The following DCC variants were observed in gnomAD, a reference collection of about 807,000 sequenced individuals.
The protein encoded by DCC is DCC netrin 1 receptor.
In DCC, 58 loss-of-function variants were observed where a neutral mutation model predicts 172.5. The observed-to-expected ratio is 0.34, with a 90% CI of 0.27 to 0.42. The LOEUF is 0.42. DCC is among the 10% of genes least tolerant of loss of function. The pLI, the probability that DCC is intolerant of heterozygous loss-of-function variation, is 1.00. For missense variants in DCC, 1,740 were observed against 1,791.0 expected (o/e 0.97, Z 0.51); for synonymous variants, 709 against 644.5 (o/e 1.10, Z -1.52).
intron 5 of DCC, among the ~76,000 whole-genome samples, chr18:52,975,758 T>C (rs570444485): frequency 5.3e-5 from 8 of 152,368 alleles, no homozygotes; most frequent in South Asian, 4.1e-4. Context: ...CAGTCTATCA[T>C]TGATGGACAT....
At chr18:52,879,215 C>CT (rs1250532222) in intron 2 of DCC, among the ~76,000 whole-genome samples, 1 of 151,988 alleles carries the variant, frequency 6.6e-6, no homozygotes, top group Non-Finnish European at 1.5e-5. Context: ...TTCCTTTCCT[C>CT]TTTTTTATTG....
chr18:52,875,477 T>A (rs1372509213), intron 2 of DCC, among the ~76,000 whole-genome samples: 5 of 152,110 alleles, frequency 3.3e-5, no homozygotes, highest in African/African-American at 1.2e-4. Flanking sequence ...CTGTGTGAGC[T>A]CTAAAAACAC....
intron 1 of DCC, among the ~76,000 whole-genome samples, chr18:52,390,713 C>T (rs1757179979): frequency 6.6e-6 from 1 of 152,056 alleles, no homozygotes. Flanking sequence ...ATGCAGCATC[C>T]TGAGTCCTGG....
intron 2 of DCC, among the ~76,000 whole-genome samples, chr18:52,836,053 G>A (rs2038698973): frequency 6.6e-6 from 1 of 152,180 alleles, no homozygotes; most frequent in South Asian, 2.1e-4. Flanking sequence ...TCACATGGCA[G>A]CAGGAAGGAG....
intron 2 of DCC, among the ~76,000 whole-genome samples, chr18:52,787,936 T>G (rs2037689300): frequency 6.6e-6 from 1 of 152,160 alleles, no homozygotes; most frequent in South Asian, 2.1e-4. Flanking sequence ...CCTCAGACAA[T>G]TTCATATAAT....
rs188724045 is a variant in DCC, at chr18:53,247,521, A to G, written c.1911+31924A>G. On this transcript the variant is annotated intron_variant, in intron 12 of 28. Transcript: ENST00000442544. ...AGAGCATAGGAGAGTCTCTAGCACA[A>G]TACAGGCTTTGACAATTAAAGAGAA... Among the ~76,000 whole-genome samples the G allele has an allele frequency of 3.3e-5, 5 of 152,166 alleles. No individual in the cohort carries two copies. In the East Asian group the frequency reaches 5.8e-4, roughly 18 times the overall value.
intron 1 of DCC, among the ~76,000 whole-genome samples, chr18:52,489,438 C>A (rs543837096): frequency 6.6e-6 from 1 of 151,880 alleles, no homozygotes; most frequent in Non-Finnish European, 1.5e-5. Context: ...TTGCTAAAGG[C>A]AAAATAAAAC....
At chr18:53,413,708 G>C (rs1910129193) in intron 20 of DCC, among the ~76,000 whole-genome samples, 1 of 152,216 alleles carries the variant, frequency 6.6e-6, no homozygotes, top group Admixed American at 6.6e-5. Context: ...ATGGAGATAA[G>C]GGTGGTAGTC....
intron 15 of DCC, among the ~76,000 whole-genome samples, chr18:53,363,996 G>A (rs55864214): frequency 0.011 from 1,678 of 152,280 alleles, 18 homozygotes; most frequent in Non-Finnish European, 0.014. Context: ...ACTTGGATAA[G>A]TCTGTTAAGT....
At chr18:53,296,627 G>A (rs948283784) in intron 12 of DCC, among the ~76,000 whole-genome samples, 1 of 152,088 alleles carries the variant, frequency 6.6e-6, no homozygotes, top group Non-Finnish European at 1.5e-5. Context: ...TCAGAATTAG[G>A]GTAGTGTCAG....
At chr18:53,094,509 A>G (rs944742656) in intron 7 of DCC, among the ~76,000 whole-genome samples, 28 of 152,236 alleles carry the variant, frequency 1.8e-4, no homozygotes, top group Non-Finnish European at 3.5e-4. Flanking sequence ...GAGGTTGTCA[A>G]AAGTCTCAGA....
intron 1 of DCC, among the ~76,000 whole-genome samples, chr18:52,475,857 A>T (rs1180425377): frequency 6.6e-6 from 1 of 152,176 alleles, no homozygotes; most frequent in African/African-American, 2.4e-5. Flanking sequence ...TCAGATCTTG[A>T]TTTCAATCAG....
chr18:53,408,705 C>T (rs1386092190), intron 19 of DCC, among the ~76,000 whole-genome samples: 1 of 152,106 alleles, frequency 6.6e-6, no homozygotes, highest in Non-Finnish European at 1.5e-5. Flanking sequence ...ATCAACATAT[C>T]CTGTCTTGGG....
intron 5 of DCC, among the ~76,000 whole-genome samples, chr18:52,980,805 A>G (rs896050350): frequency 6.6e-6 from 1 of 152,138 alleles, no homozygotes; most frequent in Non-Finnish European, 1.5e-5. Flanking sequence ...AATTTATCTC[A>G]AGAAATAGTT....
At chr18:52,760,479 A>T (rs1349389534) in intron 2 of DCC, among the ~76,000 whole-genome samples, 1 of 152,160 alleles carries the variant, frequency 6.6e-6, no homozygotes, top group Non-Finnish European at 1.5e-5. Context: ...GGTTTCTTTT[A>T]TGGACAGCTC....
intron 1 of DCC, among the ~76,000 whole-genome samples, chr18:52,564,498 T>C (rs12458962): frequency 0.011 from 1,652 of 152,248 alleles, 65 homozygotes; most frequent in East Asian, 0.073. Flanking sequence ...CTCTAGGTTT[T>C]GAAAGACATT....
intron 28 of DCC, among the ~76,000 whole-genome samples, chr18:53,530,082 CT>C (rs1222449641): frequency 2.0e-5 from 3 of 152,154 alleles, no homozygotes; most frequent in Non-Finnish European, 4.4e-5. Flanking sequence ...AAAAAATATT[CT>C]GTTCATATCT....
Position 53,074,831 on chromosome 18 carries a change from G to C in DCC, c.1261+8665G>C, listed in dbSNP as rs111357186. Among the ~76,000 whole-genome samples the C allele has an allele frequency of 9.1e-3, 1,382 of 152,126 alleles. 24 individuals carry two copies. The highest frequency in any genetic ancestry group is 0.031 in the African/African-American group (1,296 of 41,506). ...CTTGTAGAGATTTAAAAATGTATTG[G>C]AATATAGTGTATATTTATGAAGAGA... On this transcript the variant is annotated intron_variant, in intron 7 of 28. Transcript: ENST00000442544.
At chr18:53,197,904 C>A (rs956526008) in intron 9 of DCC, among the ~76,000 whole-genome samples, 3 of 151,994 alleles carry the variant, frequency 2.0e-5, no homozygotes, top group African/African-American at 7.2e-5. Flanking sequence ...TATGTGACTT[C>A]TTGATTATCA....
Sources: allele counts gnomAD v4.1 joint callset (sites outside exome capture counted in the v4.1 genomes callset), GRCh38; gene constraint gnomAD v4.1.1; transcripts MANE v1.5; gene names NCBI Gene and HGNC (gene_info 2026-07-23, HGNC 2026-07-21).